The following PDE8B variants were observed in gnomAD, a reference collection of about 807,000 sequenced individuals.
PDE8B encodes high affinity cAMP-specific and IBMX-insensitive 3',5'-cyclic phosphodiesterase 8B.
PDE8B carries 26 observed loss-of-function variants against 101.3 expected under a neutral mutation model. The ratio of observed to expected loss-of-function variants is 0.26; its 90% CI spans 0.19 to 0.36. PDE8B has a LOEUF of 0.36. PDE8B is among the 10% of genes least tolerant of loss of function. The pLI is 1.00. For synonymous variants in PDE8B, 424 were observed against 429.3 expected, an observed-to-expected ratio of 0.99 and a Z score of 0.15; for missense variants, 810 against 1,163.1, an observed-to-expected ratio of 0.70 and a Z score of 4.42.
intron 4 of PDE8B, 84 bp downstream of exon 4, chr5:77,329,141 C>G: frequency 9.6e-7 from 1 of 1,046,910 alleles, no homozygotes; most frequent in East Asian, 2.4e-5. Context: ...TTTGAGCTAT[C>G]TAAGCAATGG....
At chr5:77,096,539 A>T in the PDE8B span, among the ~76,000 whole-genome samples, 1 of 152,188 alleles carries the variant, frequency 6.6e-6, no homozygotes, top group Non-Finnish European at 1.5e-5. Flanking sequence ...GGCAAGGGGT[A>T]GGAGGAGAAA....
At position 77,335,160 on chromosome 5, in the gene PDE8B, T is replaced by C. The variant is rs534381572; in HGVS notation, c.709-2067T>C. Among the ~76,000 whole-genome samples, 353 of 152,332 alleles carry C rather than the reference T, an allele frequency of 2.3e-3. 2 individuals are homozygous for C. Among genetic ancestry groups the C allele is most frequent in the African/African-American group, 8.2e-3 (340 of 41,584 alleles). On this transcript the variant is annotated intron_variant, in intron 5 of 21. Transcript: ENST00000264917. ...GTAGGCAGAAATAGAAATGACTGTG[T>C]ATTATTTACAAAACAGTGTCGTGAT...
At position 77,317,218 on chromosome 5, in the gene PDE8B, A is replaced by G. The variant is rs140831276; in HGVS notation, c.399+5165A>G. Among the ~76,000 whole-genome samples, 12 of 152,214 alleles carry G rather than the reference A, an allele frequency of 7.9e-5. No homozygotes were observed. In the East Asian group the frequency reaches 2.3e-3, roughly 29 times the overall value. ...TTATGCTTCTTCTACTAACATTGCA[A>G]TTGACTTAGAAAAATGAAGCTATGT... On this transcript the variant is annotated intron_variant, in intron 2 of 21. Coordinates refer to ENST00000264917, the MANE Select transcript of PDE8B (RefSeq NM_003719.5).
chr5:77,358,448 G>A (rs1416554971), intron 10 of PDE8B: 2 of 985,222 alleles, frequency 2.0e-6, no homozygotes, highest in Non-Finnish European at 2.4e-6. Flanking sequence ...ATCTTATGCT[G>A]CTTTGGGTGA....
At chr5:77,259,051 C>T (rs538348218) in intron 1 of PDE8B, among the ~76,000 whole-genome samples, 2,202 of 59,812 alleles carry the variant, frequency 0.037, 81 homozygotes, top group African/African-American at 0.11. Flanking sequence ...CACACACAGA[C>T]ACACACACAC....
intron 14 of PDE8B, among the ~76,000 whole-genome samples, chr5:77,410,204 G>A (rs1794270019): frequency 1.3e-5 from 2 of 152,270 alleles, no homozygotes; most frequent in South Asian, 4.1e-4. Flanking sequence ...TGCAGTGGCA[G>A]AGGGACTGCT....
the PDE8B span, among the ~76,000 whole-genome samples, chr5:77,175,883 A>G: frequency 6.6e-6 from 1 of 152,188 alleles, no homozygotes; most frequent in Admixed American, 6.5e-5. Flanking sequence ...ACATACATAT[A>G]TATGTTAGCT....
intron 6 of PDE8B, 134 bp from the exon 7 acceptor site, chr5:77,344,719 A>G: frequency 1.3e-6 from 1 of 746,070 alleles, no homozygotes. Flanking sequence ...GGGAGACATC[A>G]GCATTCAGAC....
chr5:77,423,281 T>C (rs868660798), intron 20 of PDE8B, among the ~76,000 whole-genome samples: 1 of 152,246 alleles, frequency 6.6e-6, no homozygotes, highest in Middle Eastern at 3.2e-3. Flanking sequence ...CCTGGGTTGA[T>C]TCCATGTCTT....
At chr5:77,344,659 G>A (rs567294395) in intron 6 of PDE8B, among the ~76,000 whole-genome samples, 194 bp from the exon 7 acceptor site, 1 of 152,318 alleles carries the variant, frequency 6.6e-6, no homozygotes, top group South Asian at 2.1e-4. Context: ...CAAAGGCCCT[G>A]CCTCTTCATA....
chr5:77,338,736 T>A (rs1778630447), intron 6 of PDE8B, among the ~76,000 whole-genome samples: 2 of 152,246 alleles, frequency 1.3e-5, no homozygotes, highest in Admixed American at 1.3e-4. Context: ...TTATTTTAGA[T>A]GTTTACACAA....
intron 10 of PDE8B, among the ~76,000 whole-genome samples, chr5:77,378,049 C>CACACACAAT (rs1554093056): frequency 1.3e-5 from 2 of 148,370 alleles, no homozygotes; most frequent in African/African-American, 2.5e-5. Flanking sequence ...CACACACACA[C>CACACACAAT]CCCCTGTTGG....
the PDE8B span, among the ~76,000 whole-genome samples, chr5:77,133,549 G>A: frequency 4.6e-5 from 7 of 152,172 alleles, no homozygotes; most frequent in Non-Finnish European, 8.8e-5. Context: ...AGTGGCATTG[G>A]TTTGGAGGCT....
chr5:77,355,173 G>C (rs972050087), intron 10 of PDE8B, among the ~76,000 whole-genome samples: 5 of 152,168 alleles, frequency 3.3e-5, no homozygotes, highest in African/African-American at 4.8e-5. Context: ...ATACAGGGGT[G>C]GGGGGCCACC....
intron 10 of PDE8B, among the ~76,000 whole-genome samples, chr5:77,381,984 CCT>C (rs1266015797): frequency 2.0e-5 from 3 of 152,186 alleles, no homozygotes; most frequent in Non-Finnish European, 4.4e-5. Flanking sequence ...TAACCTCACT[CCT>C]CTGTTTCAGG....
intron 1 of PDE8B, among the ~76,000 whole-genome samples, chr5:77,238,993 C>T (rs1755228684): frequency 1.3e-5 from 2 of 152,206 alleles, no homozygotes; most frequent in Admixed American, 6.5e-5. Flanking sequence ...CCAGAAACAT[C>T]CTTACAGATA....
intron 1 of PDE8B, among the ~76,000 whole-genome samples, chr5:77,251,729 A>G (rs912028884): frequency 1.3e-5 from 2 of 152,228 alleles, no homozygotes; most frequent in East Asian, 3.9e-4. Flanking sequence ...GTCGTATTCC[A>G]GATAGTTTTC....
chr5:77,275,719 A>C (rs1763718678), intron 1 of PDE8B, among the ~76,000 whole-genome samples: 1 of 152,246 alleles, frequency 6.6e-6, no homozygotes, highest in Non-Finnish European at 1.5e-5. Context: ...AGTTGTGAGA[A>C]ATTGTTATGA....
chr5:77,128,702 G>A, the PDE8B span, among the ~76,000 whole-genome samples: 4 of 152,222 alleles, frequency 2.6e-5, no homozygotes. Context: ...GGAGCCAAGT[G>A]TCAGCACACG....
Sources: allele counts gnomAD v4.1 joint callset (sites outside exome capture counted in the v4.1 genomes callset), GRCh38; gene constraint gnomAD v4.1.1; transcripts MANE v1.5; gene names NCBI Gene and HGNC (gene_info 2026-07-23, HGNC 2026-07-21).